The following NEIL1 variants were observed in gnomAD, a reference collection of about 807,000 sequenced individuals.
NEIL1 encodes the protein nei like DNA glycosylase 1, also known as endonuclease 8-like 1.
A neutral mutation model predicts 44.2 loss-of-function variants in NEIL1; 31 were observed. That is an observed-to-expected ratio of 0.70 (90% confidence interval 0.53 to 0.95). The LOEUF (loss-of-function observed/expected upper bound fraction) is 0.95. NEIL1 is among the 40% of genes least tolerant of loss of function. The probability of loss-of-function intolerance (pLI) is 0.00; values close to 1 mark genes in which losing one functional copy is unlikely to be tolerated. For synonymous variants in NEIL1, 254 were observed against 209.7 expected, an observed-to-expected ratio of 1.21 and a Z score of -1.83; for missense variants, 549 against 515.5, an observed-to-expected ratio of 1.07 and a Z score of -0.63.
chr15:75,351,543 T>C (rs537151562), intron 2 of NEIL1, among the ~76,000 whole-genome samples: 20 of 152,162 alleles, frequency 1.3e-4, no homozygotes, highest in African/African-American at 4.8e-4. Flanking sequence ...AATGCTGGGA[T>C]TACAGGTGTG....
Position 75,355,609 on chromosome 15 carries a change from A to C in NEIL1, c.*575A>C, listed in dbSNP as rs1247731729. ...GGGCTTCTCAACTCATGGTCTCTTC[A>C]CTGGCTTTTGGTGGCTCGAGGTCCC... On this transcript the variant is annotated 3_prime_UTR_variant, in exon 10 of 10. Coordinates refer to ENST00000355059, the MANE Select transcript of NEIL1 (RefSeq NM_024608.4). 8.2e-6 allele frequency: 3 copies of C among 363,914 alleles called. No individual in the cohort carries two copies. The highest frequency in any genetic ancestry group is 8.7e-5 in the Admixed American group (2 of 22,868). The allele number at this position is 363,914 out of a possible 1,614,324, so 22.5% of individuals were successfully genotyped here. A position where few individuals can be genotyped will look rare whatever the true frequency, so the allele number is the denominator to read the frequency against.
rs1043185987 is a variant in NEIL1 at position 75,354,032 on chromosome 15, A to T, written c.846+166A>T. ...CCCCTCCCATGCGTCCCAGGGTTGC[A>T]GCTAGTGGAAGTAGCCCAAGGCAGG... On this transcript the variant is annotated intron_variant, in intron 6 of 9. Transcript: ENST00000355059. The T allele has an allele frequency of 2.7e-6, 3 of 1,102,862 alleles. No individual in the cohort carries two copies. In the African/African-American group the frequency reaches 4.7e-5, roughly 17 times the overall value. 68.3% of individuals were successfully genotyped at this position (1,102,862 alleles called of 1,614,324 possible).
At chr15:75,354,059 A>G in intron 6 of NEIL1, 191 bp from the exon 7 acceptor site, 1 of 1,025,164 alleles carries the variant, frequency 9.8e-7, no homozygotes, top group South Asian at 1.5e-5. Context: ...CAAGGCAGGT[A>G]GCCCAAGTGA....
chr15:75,348,664 G>A (rs897617065), intron 1 of NEIL1: 5 of 1,422,422 alleles, frequency 3.5e-6, no homozygotes, highest in Non-Finnish European at 4.6e-6. Context: ...GCAAGGCAGA[G>A]TCCTGCTCCC....
chr15:75,352,269 C>A, intron 3 of NEIL1, 39 bp downstream of exon 3: 1 of 1,614,150 alleles, frequency 6.2e-7, no homozygotes, highest in Non-Finnish European at 8.5e-7. Context: ...TGCGGTGGGC[C>A]AGGTGTGCCC....
chr15:75,348,498 T>A (rs1298586274), intron 1 of NEIL1: 5 of 1,060,956 alleles, frequency 4.7e-6, no homozygotes, highest in Non-Finnish European at 5.7e-6. Context: ...GAAGTCTCCC[T>A]CAAGTGTCTG....
rs746459299 is a variant in NEIL1 at position 75,352,146 on chromosome 15, T to C, written c.470T>C (p.Phe157Ser). 4 of 1,614,170 alleles carry C rather than the reference T, an allele frequency of 2.5e-6. No individual in the cohort carries two copies. Among genetic ancestry groups the C allele is most frequent in the East Asian group, 2.2e-5 (1 of 44,888 alleles). Residue 157 changes from phenylalanine (F) to serine (S), a missense_variant, in exon 3 of 10, where the codon TTT becomes TCT. Physicochemically the swap from Phe to Ser is radical, Grantham distance 155. Transcript: ENST00000355059. ...NVLRNLADKA[F>S]DRPICEALLD... Reference sequence around the variant, plus strand: ...CTACGAAACCTAGCGGATAAGGCCTTTGACCGGCCCATCTGCGAGGCCCTC... The same window carrying C: ...CTACGAAACCTAGCGGATAAGGCCTCTGACCGGCCCATCTGCGAGGCCCTC...
In NEIL1 at chr15:75,352,377, A is replaced by G. The variant is rs934479733; in HGVS notation, c.608A>G (p.Gln203Arg). Residue 203 changes from glutamine (Q) to arginine (R), a missense_variant, in exon 4 of 10, where the codon CAG becomes CGG. Physicochemically the swap from Gln to Arg is conservative, Grantham distance 43. Transcript: ENST00000355059. ...CGCTCGGTCCTGGAGGCCCTGCAGC[A>G]GCACAGGCCGGTAAGCCCAGAGAGG... ...KARSVLEALQ[Q>R]HRPSPELTLS... 6.2e-7 allele frequency: 1 copy of G among 1,613,888 alleles called. No homozygotes were observed. Among genetic ancestry groups the G allele is most frequent in the Non-Finnish European group, 8.5e-7 (1 of 1,180,020 alleles).
rs371874351 is a variant in NEIL1, at chr15:75,356,711, C to A, written c.*1677C>A. 3 of 1,610,706 alleles carry A rather than the reference C, an allele frequency of 1.9e-6. No individual in the cohort carries two copies. Among genetic ancestry groups the A allele is most frequent in the Non-Finnish European group, 2.5e-6 (3 of 1,178,670 alleles). ...CTGGGGTGAGGAGGGCGCGTAGGGG[C>A]CACGCTGAAGCTGTTGGAGTTGTGG... On this transcript the variant is annotated 3_prime_UTR_variant, in exon 10 of 10. Coordinates refer to ENST00000355059, the MANE Select transcript of NEIL1 (RefSeq NM_024608.4). This position sits in a 1 kb window ranked among gnomAD's most constrained non-coding sequence, Gnocchi z 5.8.
At position 75,356,070 on chromosome 15, in the gene NEIL1, C is replaced by T. The variant is rs762975142; in HGVS notation, c.*1036C>T. 8.1e-6 allele frequency: 13 copies of T among 1,613,120 alleles called. No homozygotes were observed. Among genetic ancestry groups the T allele is most frequent in the African/African-American group, 8.0e-5 (6 of 74,894 alleles). On this transcript the variant is annotated 3_prime_UTR_variant, in exon 10 of 10. Transcript: ENST00000355059. The surrounding 1 kb of genome is among the most constrained non-coding windows in gnomAD (Gnocchi z 5.8). ...AGGGGCCATGAAGGCTCTGCGAGGGCGAGACTCGACCCCCGCCCCAATCCC... is the reference window on the plus strand; with the variant it reads ...AGGGGCCATGAAGGCTCTGCGAGGGTGAGACTCGACCCCCGCCCCAATCCC...
rs2072248529 is a variant in NEIL1 at position 75,355,057 on chromosome 15, C to T, written c.*23C>T. The T allele has an allele frequency of 6.2e-7, 1 of 1,606,272 alleles. No homozygotes were observed. Among genetic ancestry groups the T allele is most frequent in the Non-Finnish European group, 8.5e-7 (1 of 1,174,872 alleles). ...TAGCAGGAGGCTCTCCTTGCTTGCA[C>T]TCACCCTTTCTTATTGTCTTGCCCT... On this transcript the variant is annotated 3_prime_UTR_variant, in exon 10 of 10. Transcript: ENST00000355059.
Position 75,356,734 on chromosome 15 carries a change from T to G in NEIL1, c.*1700T>G. The G allele has an allele frequency of 3.7e-6, 6 of 1,612,560 alleles. No homozygotes were observed. The highest frequency in any genetic ancestry group is 5.1e-6 in the Non-Finnish European group (6 of 1,179,056). On this transcript the variant is annotated 3_prime_UTR_variant, in exon 10 of 10. Coordinates refer to ENST00000355059, the MANE Select transcript of NEIL1 (RefSeq NM_024608.4). This position sits in a 1 kb window ranked among gnomAD's most constrained non-coding sequence, Gnocchi z 5.8. Reference sequence around the variant, plus strand: ...GGCCACGCTGAAGCTGTTGGAGTTGTGGTCGGGAAGACCCATTTCTCCATG... The same window carrying G: ...GGCCACGCTGAAGCTGTTGGAGTTGGGGTCGGGAAGACCCATTTCTCCATG...
intron 2 of NEIL1, 129 bp from the exon 3 acceptor site, chr15:75,351,982 G>A: frequency 3.8e-6 from 3 of 795,344 alleles, no homozygotes; most frequent in Non-Finnish European, 6.2e-6. Context: ...GAAAACGGGG[G>A]CAGGGAGAAG....
At chr15:75,352,054 T>C (rs1167056116) in intron 2 of NEIL1, 57 bp from the exon 3 acceptor site, 12 of 1,587,534 alleles carry the variant, frequency 7.6e-6, no homozygotes, top group Non-Finnish European at 1.0e-5. Flanking sequence ...TGAGCCCCTC[T>C]CCCCATCCCA....
chr15:75,347,849 C>T lies in NEIL1; in HGVS notation c.-23+376C>T, dbSNP rs939572636. 24 of 1,186,672 alleles carry T rather than the reference C, an allele frequency of 2.0e-5. No individual in the cohort carries two copies. The African/African-American group carries it at 3.4e-4, about 17-fold the overall frequency. The allele number at this position is 1,186,672 out of a possible 1,614,324, so 73.5% of individuals were successfully genotyped here. ...CCCAAAACTAGGATTTGGAGCCTCA[C>T]GTTCTCCCGCAAAACGAGCCCTGTG... On this transcript the variant is annotated intron_variant, in intron 1 of 9. Coordinates refer to ENST00000355059, the MANE Select transcript of NEIL1 (RefSeq NM_024608.4).
In NEIL1 at chr15:75,356,180, G is replaced by T. The variant is rs757156973; in HGVS notation, c.*1146G>T. On this transcript the variant is annotated 3_prime_UTR_variant, in exon 10 of 10. Transcript: ENST00000355059. The surrounding 1 kb of genome is among the most constrained non-coding windows in gnomAD (Gnocchi z 5.8). ...ACGTGGCTGCCGTGGGCCTCATACA[G>T]CCTCAGGACCAGCGAGCGGCGCTGG... is the stretch of plus-strand genomic sequence containing the variant. 1 of 1,613,492 alleles carries T rather than the reference G, an allele frequency of 6.2e-7. No homozygotes were observed. The highest frequency in any genetic ancestry group is 1.1e-5 in the South Asian group (1 of 91,080).
intron 2 of NEIL1, among the ~76,000 whole-genome samples, chr15:75,350,459 T>TGA (rs1333882580): frequency 6.6e-6 from 1 of 152,164 alleles, no homozygotes; most frequent in African/African-American, 2.4e-5. Flanking sequence ...AGGTTTGAGC[T>TGA]GAGGCCTGAC....
chr15:75,347,892 G>C, intron 1 of NEIL1: 1 of 1,216,232 alleles, frequency 8.2e-7, no homozygotes, highest in Non-Finnish European at 1.1e-6. Flanking sequence ...GGCCAGGGGC[G>C]GCTCCCAGGT....
At chr15:75,351,063 A>C (rs542439548) in intron 2 of NEIL1, among the ~76,000 whole-genome samples, 1 of 152,138 alleles carries the variant, frequency 6.6e-6, no homozygotes, top group African/African-American at 2.4e-5. Flanking sequence ...GGTACTCCAC[A>C]TATCTCCTGC....
Sources: gnomAD v4.1 joint callset for allele counts (sites outside exome capture counted in the v4.1 genomes callset) on GRCh38, gnomAD v4.1.1 for gene constraint, Gnocchi (gnomAD v3.1) non-coding constraint, MANE v1.5 for transcripts, NCBI Gene and HGNC (gene_info 2026-07-23, HGNC 2026-07-21) for gene names.